Variants in ROBO1 observed in about 807,000 individuals in gnomAD.
ROBO1 encodes the protein roundabout homolog 1.
ROBO1 carries 149 observed loss-of-function variants against 195.9 expected under a neutral mutation model. That is an observed-to-expected ratio of 0.76 (90% CI 0.67 to 0.87). The LOEUF is 0.87. Ranked by LOEUF, ROBO1 falls within the 40% of genes least tolerant of loss-of-function variation. ROBO1 has a pLI of 0.00. For missense variants in ROBO1, 1,933 were observed against 2,068.3 expected, an observed-to-expected ratio of 0.93 and a Z score of 1.27; for synonymous variants, 816 against 733.2, an observed-to-expected ratio of 1.11 and a Z score of -1.82.
chr3:78,616,108 T>C (rs1276314480), intron 27 of ROBO1, among the ~76,000 whole-genome samples: 2 of 152,170 alleles, frequency 1.3e-5, no homozygotes, highest in Non-Finnish European at 2.9e-5. Context: ...TGTAAGGCCA[T>C]CCACTGCTCA....
chr3:79,579,441 A>G (rs1943591371), intron 2 of ROBO1, among the ~76,000 whole-genome samples: 1 of 152,220 alleles, frequency 6.6e-6, no homozygotes, highest in South Asian at 2.1e-4. Context: ...CTATTTCCTG[A>G]GAAATTTCAA....
chr3:79,089,617 T>C (rs1011457072), intron 3 of ROBO1, among the ~76,000 whole-genome samples: 4 of 152,150 alleles, frequency 2.6e-5, no homozygotes, highest in Non-Finnish European at 5.9e-5. Flanking sequence ...TCAGCCTGTT[T>C]ACCTAAAAAT....
At chr3:78,676,979 G>A (rs1157176850) in intron 10 of ROBO1, among the ~76,000 whole-genome samples, 2 of 152,044 alleles carry the variant, frequency 1.3e-5, no homozygotes, top group African/African-American at 4.8e-5. Flanking sequence ...CGGATCTCTC[G>A]GCAGAAACCC....
chr3:78,735,146 T>C (rs1351654429), intron 5 of ROBO1, among the ~76,000 whole-genome samples: 1 of 152,206 alleles, frequency 6.6e-6, no homozygotes, highest in African/African-American at 2.4e-5. Flanking sequence ...AGGTTTGCTT[T>C]AATTTCTGAA....
chr3:78,653,649 T>C (rs1348168050), intron 18 of ROBO1, among the ~76,000 whole-genome samples: 2 of 152,342 alleles, frequency 1.3e-5, no homozygotes, highest in East Asian at 3.9e-4. Flanking sequence ...GTTTTTGTTG[T>C]GTTGCCTCCT....
At chr3:78,756,343 CTA>C (rs1461135384) in intron 4 of ROBO1, among the ~76,000 whole-genome samples, 3 of 151,948 alleles carry the variant, frequency 2.0e-5, no homozygotes, top group Non-Finnish European at 4.4e-5. Flanking sequence ...GAATAACACA[CTA>C]AAGGATATGA....
chr3:78,726,183 T>A (rs778947984), intron 5 of ROBO1, among the ~76,000 whole-genome samples: 1 of 152,306 alleles, frequency 6.6e-6, no homozygotes, highest in East Asian at 1.9e-4. Flanking sequence ...TTTCCTTTAA[T>A]ATATTTTACA....
intron 2 of ROBO1, among the ~76,000 whole-genome samples, chr3:79,205,160 T>A (rs2108788185): frequency 6.6e-6 from 1 of 152,126 alleles, no homozygotes; most frequent in Admixed American, 6.6e-5. Context: ...ATCCGGTTAA[T>A]TTTTTCTATT....
intron 4 of ROBO1, among the ~76,000 whole-genome samples, chr3:78,873,191 A>C (rs1467338865): frequency 6.6e-6 from 1 of 152,164 alleles, no homozygotes; most frequent in Non-Finnish European, 1.5e-5. Flanking sequence ...TTAAGTCTCT[A>C]AATCAGTCAG....
At chr3:79,219,841 T>G (rs2082108197) in intron 2 of ROBO1, among the ~76,000 whole-genome samples, 1 of 152,068 alleles carries the variant, frequency 6.6e-6, no homozygotes, top group Non-Finnish European at 1.5e-5. Flanking sequence ...AATGTTTCCT[T>G]ACAGCAGTGA....
intron 2 of ROBO1, among the ~76,000 whole-genome samples, chr3:79,304,221 C>G (rs1329786572): frequency 6.6e-6 from 1 of 152,028 alleles, no homozygotes; most frequent in East Asian, 1.9e-4. Flanking sequence ...GGAGTATTAT[C>G]AAATGAGTAA....
intron 1 of ROBO1, among the ~76,000 whole-genome samples, chr3:79,625,887 T>G (rs1198763203): frequency 6.6e-6 from 1 of 152,070 alleles, no homozygotes; most frequent in Non-Finnish European, 1.5e-5. Context: ...ATATCAAAAC[T>G]GGGAAGAGAC....
chr3:79,762,768 A>G (rs1009821369), intron 1 of ROBO1, among the ~76,000 whole-genome samples: 4 of 152,216 alleles, frequency 2.6e-5, no homozygotes, highest in African/African-American at 7.2e-5. Flanking sequence ...TAAGGAGTTT[A>G]GAAATTGTCA....
chr3:79,551,224 G>C (rs1303137801), intron 2 of ROBO1, among the ~76,000 whole-genome samples: 1 of 150,572 alleles, frequency 6.6e-6, no homozygotes, highest in Non-Finnish European at 1.5e-5. Flanking sequence ...AAGTTTTGGG[G>C]TACATGTGCA....
chr3:79,194,207 T>C (rs1482542948), intron 2 of ROBO1, among the ~76,000 whole-genome samples: 2 of 151,714 alleles, frequency 1.3e-5, no homozygotes, highest in East Asian at 3.9e-4. Context: ...ATCAATGTTT[T>C]ACAATAATGG....
chr3:79,310,736 A>C (rs758150353), intron 2 of ROBO1, among the ~76,000 whole-genome samples: 18 of 152,300 alleles, frequency 1.2e-4, no homozygotes, highest in Non-Finnish European at 2.1e-4. Context: ...AGTACCCCTT[A>C]AATATATACA....
At chr3:79,026,406 T>G (rs1474898380) in intron 3 of ROBO1, among the ~76,000 whole-genome samples, 1 of 152,086 alleles carries the variant, frequency 6.6e-6, no homozygotes, top group Non-Finnish European at 1.5e-5. Context: ...TATGTTTTGG[T>G]TTTTGTGTGT....
intron 8 of ROBO1, among the ~76,000 whole-genome samples, chr3:78,703,352 A>G (rs2081466744): frequency 6.6e-6 from 1 of 152,164 alleles, no homozygotes; most frequent in Non-Finnish European, 1.5e-5. Flanking sequence ...AGTTATTCTC[A>G]CAAATCACTC....
At chr3:78,717,490 A>G (rs2081931607) in intron 6 of ROBO1, 77 bp from the exon 7 acceptor site, 5 of 1,282,390 alleles carry the variant, frequency 3.9e-6, no homozygotes, top group Non-Finnish European at 5.6e-6. Context: ...GTTCAGTAAG[A>G]GCATATTTTT....
Sources: gnomAD v4.1 joint callset for allele counts (sites outside exome capture counted in the v4.1 genomes callset) on GRCh38, gnomAD v4.1.1 for gene constraint, MANE v1.5 for transcripts, NCBI Gene and HGNC (gene_info 2026-07-23, HGNC 2026-07-21) for gene names.